CMBL: variants seen among roughly 807,000 people sequenced by gnomAD.
The protein encoded by CMBL is carboxymethylenebutenolidase homolog.
In CMBL, 17 loss-of-function variants were observed where a neutral mutation model predicts 28.7. The observed-to-expected ratio is 0.59, with a 90% confidence interval of 0.41 to 0.89. The LOEUF is 0.89. Among genes scored for constraint, CMBL ranks in the 40% least tolerant of loss-of-function variants. CMBL has a pLI of 0.00. For synonymous variants in CMBL, 106 were observed against 101.6 expected (o/e 1.04, Z -0.26); for missense variants, 310 against 298.5 (o/e 1.04, Z -0.28).
chr5:10,293,930 A>G (rs1746767451), intron 1 of CMBL, among the ~76,000 whole-genome samples: 5 of 152,214 alleles, frequency 3.3e-5, no homozygotes. Flanking sequence ...AAAGAAGACA[A>G]TGTTGGTTGA....
At chr5:10,285,686 T>TGC (rs1746585825) in intron 4 of CMBL, among the ~76,000 whole-genome samples, 1 of 78,938 alleles carries the variant, frequency 1.3e-5, no homozygotes, top group Non-Finnish European at 4.2e-5. Flanking sequence ...CTTTCTTTCT[T>TGC]TCTCTTTCTT....
chr5:10,285,278 C>T (rs1746578221), intron 4 of CMBL, among the ~76,000 whole-genome samples: 1 of 152,222 alleles, frequency 6.6e-6, no homozygotes, highest in Non-Finnish European at 1.5e-5. Flanking sequence ...AAGCGATTCT[C>T]CTGCCTCAGC....
At chr5:10,299,557 G>A (rs1360901686) in intron 1 of CMBL, among the ~76,000 whole-genome samples, 4 of 152,046 alleles carry the variant, frequency 2.6e-5, no homozygotes, top group Non-Finnish European at 2.9e-5. Flanking sequence ...TGTCACATGT[G>A]GTGGGACATG....
At chr5:10,286,102 G>A in intron 4 of CMBL, 1 of 392,378 alleles carries the variant, frequency 2.5e-6, no homozygotes. Flanking sequence ...AAGAAATGGA[G>A]AATTTAGATT....
chr5:10,281,223 T>C (rs1746493061), intron 5 of CMBL, among the ~76,000 whole-genome samples: 1 of 152,008 alleles, frequency 6.6e-6, no homozygotes, highest in South Asian at 2.1e-4. Flanking sequence ...AAATGACTGC[T>C]TTTTTTTCTT....
At position 10,282,260 on chromosome 5, in the gene CMBL, G is replaced by A; in HGVS notation, c.495C>T (p.Tyr165=). The A allele has an allele frequency of 6.2e-7, 1 of 1,611,872 alleles. No individual in the cohort carries two copies. The highest frequency in any genetic ancestry group is 1.1e-5 in the South Asian group (1 of 91,054). ...YGIVKDSEDI[Y]NLKNPTLFIF... is the part of the protein sequence containing the mutation. ...TGAACAAAGTGGGGTTCTTTAAATT[G>A]TAAATGTCTTCAGAATCCTTGACAA... The change falls in exon 5 of 6, where the codon TAC becomes TAT. Residue 165 remains tyrosine, a synonymous_variant. Transcript: ENST00000296658.
chr5:10,284,175 CAGAAGGTGGCGCCGGG>C (rs1351612806), intron 4 of CMBL, among the ~76,000 whole-genome samples: 16 of 152,252 alleles, frequency 1.1e-4, no homozygotes, highest in African/African-American at 1.7e-4. Flanking sequence ...CAACAGCGGC[CAGAAGGTGGCGCCGGG>C]GAGGCATCCA....
In CMBL at chr5:10,279,080, G is replaced by A. The variant is rs1049151086; in HGVS notation, c.*1373C>T. Among the ~76,000 whole-genome samples, 1 of 152,128 alleles carries A rather than the reference G, an allele frequency of 6.6e-6. No individual in the cohort carries two copies. The highest frequency in any genetic ancestry group is 1.5e-5 in the Non-Finnish European group (1 of 68,024). ...GCCCAAAGTCACATGTACGCACCCC[G>A]TAGGTGCAGGTGCAGAGTTTCTCAC... is the stretch of plus-strand genomic sequence containing the variant. On this transcript the variant is annotated 3_prime_UTR_variant, in exon 6 of 6. Transcript: ENST00000296658.
intron 1 of CMBL, among the ~76,000 whole-genome samples, chr5:10,293,937 T>C (rs532993991): frequency 1.3e-5 from 2 of 152,202 alleles, no homozygotes; most frequent in South Asian, 4.1e-4. Context: ...ACAATGTTGG[T>C]TGAGGGTGTG....
chr5:10,295,920 T>C (rs187827652), intron 1 of CMBL, among the ~76,000 whole-genome samples: 1 of 152,338 alleles, frequency 6.6e-6, no homozygotes, highest in East Asian at 1.9e-4. Context: ...TTTTGCTGTT[T>C]AAAAGGGCCC....
Position 10,282,159 on chromosome 5 carries a change from CAAAT to C in CMBL, c.558+34_558+37del, listed in dbSNP as rs768925864. 2.8e-6 allele frequency: 4 copies of C among 1,423,596 alleles called. No homozygotes were observed. In the Admixed American group the frequency reaches 5.0e-5, roughly 18 times the overall value. 88.2% of individuals were successfully genotyped at this position (1,423,596 alleles called of 1,614,324 possible). A position where few individuals can be genotyped will look rare whatever the true frequency, so the allele number is the denominator to read the frequency against. On this transcript the variant is annotated intron_variant, in intron 5 of 5. Transcript: ENST00000296658. ...TGGGCGACAGAGCGAGACTCCATCT[CAAAT>C]AAATAAATACGAAGAGAAAAGATGC...
intron 1 of CMBL, among the ~76,000 whole-genome samples, chr5:10,303,324 G>C (rs1407569297): frequency 1.3e-5 from 2 of 152,190 alleles, no homozygotes; most frequent in Non-Finnish European, 2.9e-5. Flanking sequence ...CATGTTCTCA[G>C]GCCCTCTGGG....
intron 3 of CMBL, 106 bp from the exon 4 acceptor site, chr5:10,286,602 GCCA>G (rs1746609195): frequency 9.5e-7 from 1 of 1,053,836 alleles, no homozygotes; most frequent in African/African-American, 1.6e-5. Context: ...TTTTGAAGTT[GCCA>G]AGGTTTCTTC....
intron 3 of CMBL, 60 bp from the exon 4 acceptor site, chr5:10,286,556 C>A (rs1297903840): frequency 1.3e-6 from 2 of 1,525,770 alleles, no homozygotes; most frequent in Middle Eastern, 1.7e-4. Context: ...CCTCAAAGAG[C>A]TGTGCTGATG....
intron 2 of CMBL, chr5:10,290,254 G>T: frequency 2.4e-6 from 1 of 413,584 alleles, no homozygotes; most frequent in Non-Finnish European, 4.5e-6. Context: ...GATGTCCAGT[G>T]CCTGCGTCTG....
chr5:10,293,945 G>A (rs1377132834), intron 1 of CMBL, among the ~76,000 whole-genome samples: 1 of 152,250 alleles, frequency 6.6e-6, no homozygotes, highest in African/African-American at 2.4e-5. Flanking sequence ...GGTTGAGGGT[G>A]TGAGTTGCAA....
intron 1 of CMBL, among the ~76,000 whole-genome samples, chr5:10,296,826 G>A (rs1264320380): frequency 6.6e-6 from 1 of 152,200 alleles, no homozygotes; most frequent in South Asian, 2.1e-4. Context: ...GGTCATTGGT[G>A]ACCTCCACAA....
At chr5:10,287,041 C>A (rs952674732) in intron 3 of CMBL, among the ~76,000 whole-genome samples, 1 of 152,202 alleles carries the variant, frequency 6.6e-6, no homozygotes, top group African/African-American at 2.4e-5. Flanking sequence ...CCAGTGAAGC[C>A]AAATTTGGAA....
chr5:10,304,669 T>C (rs1476463469), intron 1 of CMBL, among the ~76,000 whole-genome samples: 4 of 152,236 alleles, frequency 2.6e-5, no homozygotes, highest in Non-Finnish European at 5.9e-5. Flanking sequence ...AAATATCTTT[T>C]TGGCCAAACG....
Sources: allele counts gnomAD v4.1 joint callset (sites outside exome capture counted in the v4.1 genomes callset), GRCh38; gene constraint gnomAD v4.1.1; transcripts MANE v1.5; gene names NCBI Gene and HGNC (gene_info 2026-07-23, HGNC 2026-07-21).